The following PRR5 variants were observed in gnomAD, a reference collection of about 807,000 sequenced individuals.
PRR5 encodes the protein proline-rich protein 5.
Under a neutral mutation model 30.6 loss-of-function variants are expected in PRR5, and 25 were observed. The observed-to-expected ratio is 0.82, with a 90% CI of 0.60 to 1.14. The LOEUF is 1.14. PRR5 is among the 50% of genes most tolerant of loss of function. The pLI is 0.00. For synonymous variants in PRR5, 286 were observed against 247.1 expected (o/e 1.16, Z -1.48); for missense variants, 600 against 547.1 (o/e 1.10, Z -0.96).
rs917482825 is a variant in PRR5 at position 44,712,426 on chromosome 22, C to G, written c.135-2165C>G. 3.9e-5 allele frequency among the ~76,000 whole-genome samples: 6 copies of G among 152,298 alleles called. No individual in the cohort carries two copies. In the South Asian group the frequency reaches 1.0e-3, roughly 26 times the overall value. ...GCATGTGGGATATGCAGCCTGTGAC[C>G]CTGCCCTGCGCCAGCGAGGACAGGG... On this transcript the variant is annotated intron_variant, in intron 1 of 7. Transcript: ENST00000336985.
chr22:44,715,706 G>A (rs1202406847), intron 2 of PRR5, among the ~76,000 whole-genome samples: 1 of 152,172 alleles, frequency 6.6e-6, no homozygotes, highest in African/African-American at 2.4e-5. Context: ...AGGCTGGAGT[G>A]TGGGGGTGCA....
chr22:44,696,721 G>GTATTTATTTACTTATT (rs1925778424), intron 1 of PRR5, among the ~76,000 whole-genome samples: 1 of 147,926 alleles, frequency 6.8e-6, no homozygotes, highest in Admixed American at 6.8e-5. Flanking sequence ...ATGAACTTAC[G>GTATTTATTTACTTATT]TATTTATTTA....
chr22:44,702,217 GC>G lies in PRR5; in HGVS notation c.-256del. ...GGGTCCGCCCCCGGCCTCCGTTTGC[GC>G]CGGGTCTGTGCTGGCCGCGCGCCTG... is the stretch of plus-strand genomic sequence containing the variant. On this transcript the variant is annotated 5_prime_UTR_variant, in exon 1 of 8. Transcript: ENST00000336985. 1.8e-6 allele frequency: 2 copies of G among 1,097,238 alleles called. No individual in the cohort carries two copies. Among genetic ancestry groups the G allele is most frequent in the Non-Finnish European group, 2.2e-6 (2 of 900,168 alleles). 68.0% of individuals were successfully genotyped at this position (1,097,238 alleles called of 1,614,324 possible). A position where few individuals can be genotyped will look rare whatever the true frequency, so the allele number is the denominator to read the frequency against.
chr22:44,725,393 C>A, intron 3 of PRR5, 101 bp downstream of exon 3: 1 of 1,521,668 alleles, frequency 6.6e-7, no homozygotes, highest in Non-Finnish European at 9.0e-7. Flanking sequence ...CCGGCTCCCC[C>A]ACTGTCTGCC....
chr22:44,702,394 C>T lies in PRR5; in HGVS notation c.-81C>T, dbSNP rs1468059412. The T allele has an allele frequency of 8.2e-7, 1 of 1,216,112 alleles. No individual in the cohort carries two copies. Among genetic ancestry groups the T allele is most frequent in the South Asian group, 4.0e-5 (1 of 24,852 alleles). The allele number at this position is 1,216,112 out of a possible 1,614,324, so 75.3% of individuals were successfully genotyped here. On this transcript the variant is annotated 5_prime_UTR_variant, in exon 1 of 8. Coordinates refer to ENST00000336985, the MANE Select transcript of PRR5 (RefSeq NM_181333.4). ...AGTTTCCGCGTAGAGGGCGCATCGC[C>T]GGCCCGGGGCCCTTGGTGCGGCGTG... is the stretch of plus-strand genomic sequence containing the variant.
chr22:44,729,562 G>T (rs1025953533), intron 4 of PRR5: 22 of 985,386 alleles, frequency 2.2e-5, no homozygotes, highest in Non-Finnish European at 2.7e-5. Context: ...ACGTGGGGAC[G>T]TGTATCACGC....
chr22:44,701,771 C>T (rs1367938716), upstream of PRR5, among the ~76,000 whole-genome samples: 1 of 152,224 alleles, frequency 6.6e-6, no homozygotes, highest in African/African-American at 2.4e-5. Context: ...GGCCTCTACC[C>T]AAAGTCCTCA....
At chr22:44,698,732 T>C (rs1425646520), upstream of PRR5, among the ~76,000 whole-genome samples, 1 of 152,222 alleles carries the variant, frequency 6.6e-6, no homozygotes, top group African/African-American at 2.4e-5. Context: ...CGGGTTTCTG[T>C]GTCAATCTCT....
At chr22:44,681,955 A>C (rs2146945926) in intron 1 of PRR5, among the ~76,000 whole-genome samples, 3 of 152,246 alleles carry the variant, frequency 2.0e-5, no homozygotes, top group African/African-American at 7.2e-5. Context: ...CCGTGGCCTG[A>C]GAGCACAGTG....
chr22:44,727,926 C>T lies in PRR5; in HGVS notation c.322+1292C>T, dbSNP rs73889712. On this transcript the variant is annotated intron_variant, in intron 4 of 7. Transcript: ENST00000336985. ...CTTCCTGGAGGAGGCAACATCTAGA[C>T]TGGCAGGACAGAGCTGTGAGCATTT... Among the ~76,000 whole-genome samples, 1,006 of 152,368 alleles carry T rather than the reference C, an allele frequency of 6.6e-3. 9 individuals carry two copies. Among genetic ancestry groups the T allele is most frequent in the African/African-American group, 0.023 (940 of 41,598 alleles).
At chr22:44,723,354 A>G (rs1046329206) in intron 2 of PRR5, among the ~76,000 whole-genome samples, 16 of 152,190 alleles carry the variant, frequency 1.1e-4, no homozygotes, top group African/African-American at 3.9e-4. Flanking sequence ...AACGTATTTT[A>G]CTGTTTGGTT....
At chr22:44,690,532 C>T (rs1925146108) in intron 1 of PRR5, among the ~76,000 whole-genome samples, 4 of 152,034 alleles carry the variant, frequency 2.6e-5, no homozygotes, top group African/African-American at 9.7e-5. Context: ...GCTGTGAATA[C>T]GTTTAGAGCC....
At chr22:44,669,516 G>A (rs938999362) in intron 1 of PRR5, among the ~76,000 whole-genome samples, 10 of 152,218 alleles carry the variant, frequency 6.6e-5, no homozygotes, top group African/African-American at 2.4e-4. Context: ...CTTGGCAGGT[G>A]GGGATACTGG....
intron 4 of PRR5, chr22:44,730,227 A>G (rs987157685): frequency 8.1e-6 from 8 of 985,084 alleles, no homozygotes; most frequent in East Asian, 1.1e-4. Context: ...CCGCATTCCC[A>G]TGGAAACCTC....
intron 1 of PRR5, among the ~76,000 whole-genome samples, chr22:44,692,298 C>T (rs1162968017): frequency 7.4e-6 from 1 of 134,408 alleles, no homozygotes; most frequent in Non-Finnish European, 1.6e-5. Flanking sequence ...CCAGGGGCTC[C>T]CCCTCTCGGT....
upstream of PRR5, among the ~76,000 whole-genome samples, chr22:44,701,091 G>A (rs570681621): frequency 7.9e-4 from 120 of 152,142 alleles, 2 homozygotes; most frequent in South Asian, 0.023. Flanking sequence ...CATGTTGGCC[G>A]GGCTGGTCTT....
In PRR5 at chr22:44,696,823, G is replaced by A. The variant is rs188854931; in HGVS notation, c.-10-5669G>A. Among the ~76,000 whole-genome samples the A allele has an allele frequency of 8.5e-5, 13 of 152,170 alleles. 1 individual carries two copies. Among genetic ancestry groups the A allele is most frequent in the African/African-American group, 1.2e-4 (5 of 41,514 alleles). Reference sequence around the variant, plus strand: ...ACGATCTTGGCTCACTGTAAACTCCGCTTCCAGGGTTCGAGCGATTCTCCT... The same window carrying A: ...ACGATCTTGGCTCACTGTAAACTCCACTTCCAGGGTTCGAGCGATTCTCCT... On this transcript the variant is annotated intron_variant, in intron 1 of 8. Coordinates refer to the PRR5 transcript ENST00000006251.
At chr22:44,710,834 G>T (rs934068715) in intron 1 of PRR5, among the ~76,000 whole-genome samples, 6 of 152,154 alleles carry the variant, frequency 3.9e-5, no homozygotes, top group African/African-American at 1.4e-4. Context: ...TGTGGCCAAG[G>T]TGTGGTAGAT....
At chr22:44,710,166 G>C (rs1318961542) in intron 1 of PRR5, among the ~76,000 whole-genome samples, 1 of 152,146 alleles carries the variant, frequency 6.6e-6, no homozygotes, top group Non-Finnish European at 1.5e-5. Flanking sequence ...AGGGCCCCCG[G>C]ATCAGCCCCT....
Sources: allele counts gnomAD v4.1 joint callset (sites outside exome capture counted in the v4.1 genomes callset), GRCh38; gene constraint gnomAD v4.1.1; transcripts MANE v1.5; gene names NCBI Gene and HGNC (gene_info 2026-07-23, HGNC 2026-07-21).